The following EPS15 variants were observed in gnomAD, a reference collection of about 807,000 sequenced individuals.
EPS15 encodes epidermal growth factor receptor substrate 15.
In EPS15, 72 loss-of-function variants were observed where a neutral mutation model predicts 113.8. The ratio of observed to expected loss-of-function variants is 0.63; its 90% CI spans 0.52 to 0.77. The LOEUF (loss-of-function observed/expected upper bound fraction) is 0.77, where lower values mean the gene tolerates loss of function less well. Among genes scored for constraint, EPS15 ranks in the 30% least tolerant of loss-of-function variants. The pLI is 0.00. For synonymous variants in EPS15, 344 were observed against 363.4 expected, an observed-to-expected ratio of 0.95 and a Z score of 0.61; for missense variants, 1,048 against 1,045.8, an observed-to-expected ratio of 1.00 and a Z score of -0.03.
chr1:51,372,361 A>C, intron 21 of EPS15: 6 of 536,302 alleles, frequency 1.1e-5, no homozygotes, highest in South Asian at 2.8e-5. Flanking sequence ...GGAAACCAGC[A>C]GTGCATTGTT....
At chr1:51,379,531 G>T (rs916584537) in intron 21 of EPS15, among the ~76,000 whole-genome samples, 2 of 152,194 alleles carry the variant, frequency 1.3e-5, no homozygotes, top group Admixed American at 6.5e-5. Context: ...TCTGTATCTG[G>T]TAAACTGTCC....
At chr1:51,388,428 A>G (rs1479424690) in intron 21 of EPS15, among the ~76,000 whole-genome samples, 1 of 152,230 alleles carries the variant, frequency 6.6e-6, no homozygotes, top group African/African-American at 2.4e-5. Flanking sequence ...AGCAAGAGCA[A>G]ACACATTCAA....
At chr1:51,460,992 G>T in intron 8 of EPS15, 99 bp downstream of exon 8, 4 of 770,174 alleles carry the variant, frequency 5.2e-6, no homozygotes, top group Admixed American at 2.3e-5. Flanking sequence ...ATAATCTGAT[G>T]AGAATATAGT....
intron 1 of EPS15, among the ~76,000 whole-genome samples, chr1:51,489,388 C>A (rs1644190664): frequency 6.7e-6 from 1 of 149,722 alleles, no homozygotes; most frequent in African/African-American, 2.5e-5. Context: ...ATCACGTGAT[C>A]TCGGCTCACT....
intron 21 of EPS15, among the ~76,000 whole-genome samples, chr1:51,379,557 G>T (rs1268918557): frequency 6.6e-6 from 1 of 152,204 alleles, no homozygotes; most frequent in Non-Finnish European, 1.5e-5. Flanking sequence ...AAACAAGAGA[G>T]AAATTAAGAT....
intron 1 of EPS15, among the ~76,000 whole-genome samples, chr1:51,482,044 C>T (rs1644029791): frequency 6.6e-6 from 1 of 152,146 alleles, no homozygotes; most frequent in Non-Finnish European, 1.5e-5. Flanking sequence ...GTGGCACATG[C>T]CTGTAGTCCC....
intron 21 of EPS15, among the ~76,000 whole-genome samples, chr1:51,371,978 G>A: frequency 6.6e-6 from 1 of 152,210 alleles, no homozygotes; most frequent in South Asian, 2.1e-4. Flanking sequence ...ATTCAAGGCT[G>A]TACAAGTTTG....
At chr1:51,412,521 G>A (rs990123233) in intron 13 of EPS15, among the ~76,000 whole-genome samples, 1 of 152,128 alleles carries the variant, frequency 6.6e-6, no homozygotes, top group South Asian at 2.1e-4. Flanking sequence ...CTAACATTCC[G>A]TGAGTTTGTG....
intron 21 of EPS15, among the ~76,000 whole-genome samples, chr1:51,368,026 G>A (rs906483756): frequency 3.3e-5 from 5 of 152,214 alleles, no homozygotes; most frequent in African/African-American, 7.2e-5. Context: ...CAGCTACTCA[G>A]GAGGCTGAGG....
rs1427416521 is a variant in EPS15 at position 51,423,313 on chromosome 1, T to C, written c.1041-1455A>G. ...CCGATCCTTCCATACCTCAACCTAT[T>C]TATCATGCAAAGACCATCCCCCACC... On this transcript the variant is annotated intron_variant, in intron 12 of 24. Coordinates refer to ENST00000371733, the MANE Select transcript of EPS15 (RefSeq NM_001981.3). The C allele has an allele frequency of 6.3e-6, 8 of 1,274,680 alleles. No individual in the cohort carries two copies. In the Admixed American group the frequency reaches 1.9e-4, roughly 30 times the overall value. 79.0% of individuals were successfully genotyped at this position (1,274,680 alleles called of 1,614,324 possible). A position where few individuals can be genotyped will look rare whatever the true frequency, so the allele number is the denominator to read the frequency against.
chr1:51,380,651 C>T (rs1208904778), intron 21 of EPS15, among the ~76,000 whole-genome samples: 2 of 152,070 alleles, frequency 1.3e-5, no homozygotes, highest in East Asian at 3.9e-4. Flanking sequence ...AACTATAGGA[C>T]ATACAGAAAC....
chr1:51,498,039 TAC>T (rs1368156101), intron 1 of EPS15, among the ~76,000 whole-genome samples: 2 of 151,082 alleles, frequency 1.3e-5, no homozygotes, highest in African/African-American at 4.9e-5. Context: ...AATAATGACA[TAC>T]AGATTCATAA....
At chr1:51,448,184 C>T in intron 8 of EPS15, 49 bp from the exon 9 acceptor site, 5 of 1,071,896 alleles carry the variant, frequency 4.7e-6, no homozygotes, top group East Asian at 4.9e-5. Flanking sequence ...CACTTAACAT[C>T]CACCCACTGA....
rs777139327 is a variant in EPS15 at position 51,445,032 on chromosome 1, T to C, written c.811A>G (p.Thr271Ala). 7 of 1,613,712 alleles carry C rather than the reference T, an allele frequency of 4.3e-6. No homozygotes were observed. Among genetic ancestry groups the C allele is most frequent in the Non-Finnish European group, 5.9e-6 (7 of 1,179,756 alleles). ...TTTGAAAGCTTCCCACAGTCCTTTG[T>C]GTCGCATAATGACCTGCACAAATAA... The part of the protein sequence containing the change: ...LLAHIWSLCD[T>A]KDCGKLSKDQ... The change falls in exon 11 of 25, where the codon ACA becomes GCA. Residue 271 changes from threonine to alanine, a missense_variant. Physicochemically the swap from Thr to Ala is moderately conservative, Grantham distance 58. Transcript: ENST00000371733.
intron 12 of EPS15, among the ~76,000 whole-genome samples, chr1:51,437,979 G>A (rs900021122): frequency 3.9e-5 from 6 of 152,124 alleles, no homozygotes; most frequent in Middle Eastern, 3.4e-3. Context: ...GGAAAAAACG[G>A]TTATTCACAA....
chr1:51,479,969 ATG>A (rs1308105093), intron 2 of EPS15, among the ~76,000 whole-genome samples: 1 of 152,230 alleles, frequency 6.6e-6, no homozygotes, highest in African/African-American at 2.4e-5. Flanking sequence ...TCATATTTAT[ATG>A]TAGTGAAGGT....
chr1:51,443,757 A>G (rs1652792264), intron 11 of EPS15, among the ~76,000 whole-genome samples: 1 of 151,850 alleles, frequency 6.6e-6, no homozygotes. Flanking sequence ...GGTTCAAGTG[A>G]TCCTCCTGCC....
chr1:51,486,635 C>G (rs190421103), intron 1 of EPS15, among the ~76,000 whole-genome samples: 4 of 152,150 alleles, frequency 2.6e-5, no homozygotes, highest in African/African-American at 9.6e-5. Context: ...CAAAAGGACA[C>G]TGCCTGTGAA....
At position 51,354,797 on chromosome 1, in the gene EPS15, A is replaced by G. The variant is rs1233169377; in HGVS notation, c.*1903T>C. The G allele has an allele frequency of 5.1e-6, 1 of 195,664 alleles. No individual in the cohort carries two copies. The highest frequency in any genetic ancestry group is 1.1e-5 in the Non-Finnish European group (1 of 93,732). 12.1% of individuals were successfully genotyped at this position (195,664 alleles called of 1,614,324 possible). A position where few individuals can be genotyped will look rare whatever the true frequency, so the allele number is the denominator to read the frequency against. The stretch of plus-strand genomic sequence containing the variant: ...ATCTATGTAATCCAGTTAAACATAC[A>G]TAAGATTAGGATACATTTATTACAT... On this transcript the variant is annotated 3_prime_UTR_variant, in exon 25 of 25. Coordinates refer to ENST00000371733, the MANE Select transcript of EPS15 (RefSeq NM_001981.3).
Sources: allele counts gnomAD v4.1 joint callset (sites outside exome capture counted in the v4.1 genomes callset), GRCh38; gene constraint gnomAD v4.1.1; transcripts MANE v1.5; gene names NCBI Gene and HGNC (gene_info 2026-07-23, HGNC 2026-07-21).